The following GALNTL6 variants were observed in gnomAD, a reference collection of about 807,000 sequenced individuals.
The protein encoded by GALNTL6 is polypeptide N-acetylgalactosaminyltransferase like 6, also known as polypeptide N-acetylgalactosaminyltransferase-like 6.
A neutral mutation model predicts 73.7 loss-of-function variants in GALNTL6; 46 were observed. That is an observed-to-expected ratio of 0.62 (90% CI 0.49 to 0.80). The LOEUF (loss-of-function observed/expected upper bound fraction) is 0.80. Among genes scored for constraint, GALNTL6 ranks in the 30% least tolerant of loss-of-function variants. The probability of loss-of-function intolerance (pLI) is 0.00; values close to 1 mark genes in which losing one functional copy is unlikely to be tolerated. For missense variants in GALNTL6, 604 were observed against 755.0 expected (o/e 0.80, Z 2.34); for synonymous variants, 259 against 263.7 (o/e 0.98, Z 0.17).
At chr4:172,258,189 G>A (rs1387475125) in intron 3 of GALNTL6, among the ~76,000 whole-genome samples, 2 of 151,236 alleles carry the variant, frequency 1.3e-5, no homozygotes, top group African/African-American at 4.8e-5. Context: ...TCTTCATTGG[G>A]AAGACTTATT....
At chr4:172,323,118 T>A (rs1449634963) in intron 4 of GALNTL6, among the ~76,000 whole-genome samples, 1 of 152,154 alleles carries the variant, frequency 6.6e-6, no homozygotes, top group Non-Finnish European at 1.5e-5. Context: ...TAAAATATCA[T>A]AATACATAAC....
intron 3 of GALNTL6, among the ~76,000 whole-genome samples, chr4:172,255,753 T>G (rs1024683775): frequency 6.6e-6 from 1 of 151,482 alleles, no homozygotes; most frequent in Non-Finnish European, 1.5e-5. Flanking sequence ...CTGTGAGCTT[T>G]GATATTTTTT....
intron 5 of GALNTL6, among the ~76,000 whole-genome samples, chr4:172,482,137 G>T (rs1733508864): frequency 6.6e-6 from 1 of 152,160 alleles, no homozygotes; most frequent in African/African-American, 2.4e-5. Context: ...TCACTGCCCA[G>T]GGCCGGTGGC....
chr4:172,019,883 C>T (rs1741343449), intron 2 of GALNTL6, among the ~76,000 whole-genome samples: 1 of 152,100 alleles, frequency 6.6e-6, no homozygotes, highest in African/African-American at 2.4e-5. Flanking sequence ...TTTTCCTCAG[C>T]ACATGGATCA....
At chr4:171,846,405 C>T (rs1735369528) in intron 2 of GALNTL6, among the ~76,000 whole-genome samples, 1 of 152,086 alleles carries the variant, frequency 6.6e-6, no homozygotes, top group African/African-American at 2.4e-5. Flanking sequence ...CATGGCCTTA[C>T]CTACAACCAT....
intron 10 of GALNTL6, among the ~76,000 whole-genome samples, chr4:172,989,703 C>T (rs1751458770): frequency 6.6e-6 from 1 of 152,188 alleles, no homozygotes; most frequent in Non-Finnish European, 1.5e-5. Flanking sequence ...GTGTCTGCTT[C>T]TCCTTCACTT....
rs1408110791 is a variant in GALNTL6 at position 172,539,905 on chromosome 4, AT to A, written c.553+191217del. The stretch of plus-strand genomic sequence containing the variant: ...TATATATATATATATATATATATAT[AT>A]AAAAAATCTCATTTAATTTTCATGA... On this transcript the variant is annotated intron_variant, in intron 5 of 12. Transcript: ENST00000506823. Among the ~76,000 whole-genome samples the A allele has an allele frequency of 8.1e-4, 99 of 121,650 alleles. 1 individual carries two copies. The South Asian group carries it at 9.3e-3, about 11-fold the overall frequency. 79.8% of individuals were successfully genotyped at this position (121,650 alleles called of 152,430 possible). A position where few individuals can be genotyped will look rare whatever the true frequency, so the allele number is the denominator to read the frequency against.
chr4:172,173,521 C>T (rs1200557854), intron 2 of GALNTL6, among the ~76,000 whole-genome samples: 2 of 152,194 alleles, frequency 1.3e-5, no homozygotes, highest in East Asian at 3.9e-4. Context: ...GTGGGCCAAC[C>T]TCCCCTGTCA....
chr4:172,047,181 G>C (rs116054874), intron 2 of GALNTL6, among the ~76,000 whole-genome samples: 3,416 of 152,136 alleles, frequency 0.022, 138 homozygotes, highest in African/African-American at 0.073. Context: ...GCCTCCGGAC[G>C]CTCCCCGCAG....
chr4:172,465,354 G>C (rs1355900486), intron 5 of GALNTL6, among the ~76,000 whole-genome samples: 1 of 152,028 alleles, frequency 6.6e-6, no homozygotes, highest in African/African-American at 2.4e-5. Flanking sequence ...GTGAGCGTCT[G>C]TAGTCCCAGC....
chr4:172,787,690 A>G (rs1007019458), intron 5 of GALNTL6, among the ~76,000 whole-genome samples: 1 of 152,158 alleles, frequency 6.6e-6, no homozygotes, highest in African/African-American at 2.4e-5. Flanking sequence ...GGAGGAGACC[A>G]TGGGAGGGTC....
chr4:172,402,341 A>G (rs1224534641), intron 5 of GALNTL6, among the ~76,000 whole-genome samples: 1 of 152,036 alleles, frequency 6.6e-6, no homozygotes, highest in African/African-American at 2.4e-5. Context: ...TCTCTACAGA[A>G]TGATGTATAA....
intron 3 of GALNTL6, among the ~76,000 whole-genome samples, chr4:172,305,271 T>A (rs1740088039): frequency 6.6e-6 from 1 of 152,174 alleles, no homozygotes; most frequent in Admixed American, 6.5e-5. Flanking sequence ...GTTAAGTATC[T>A]ACTATCTGCC....
At chr4:172,747,688 T>G (rs1313204167) in intron 5 of GALNTL6, among the ~76,000 whole-genome samples, 1 of 152,050 alleles carries the variant, frequency 6.6e-6, no homozygotes, top group East Asian at 1.9e-4. Context: ...GGAATTGAAA[T>G]CAGTATGGGA....
At chr4:171,834,165 G>C (rs1735044429) in intron 2 of GALNTL6, among the ~76,000 whole-genome samples, 1 of 151,882 alleles carries the variant, frequency 6.6e-6, no homozygotes. Flanking sequence ...TATATTTCAG[G>C]AAATTATGTG....
intron 2 of GALNTL6, among the ~76,000 whole-genome samples, chr4:172,093,675 A>G (rs2110945746): frequency 6.6e-6 from 1 of 152,314 alleles, no homozygotes. Context: ...CATCAGCATT[A>G]GATTCTCATG....
At chr4:172,257,248 GA>G (rs1268389395) in intron 3 of GALNTL6, among the ~76,000 whole-genome samples, 2 of 151,326 alleles carry the variant, frequency 1.3e-5, no homozygotes, top group African/African-American at 4.8e-5. Context: ...TTGGCTATCT[GA>G]AAGAATATAG....
chr4:172,785,630 T>C (rs1487100974), intron 5 of GALNTL6, among the ~76,000 whole-genome samples: 1 of 152,072 alleles, frequency 6.6e-6, no homozygotes, highest in African/African-American at 2.4e-5. Context: ...TATCAGATTA[T>C]CATAAGAGTT....
chr4:171,996,429 T>C (rs185274879), intron 2 of GALNTL6, among the ~76,000 whole-genome samples: 9 of 152,180 alleles, frequency 5.9e-5, no homozygotes, highest in Non-Finnish European at 1.0e-4. Context: ...ACCTAAGTTA[T>C]GTCAATACCT....
Sources: allele counts gnomAD v4.1 joint callset (sites outside exome capture counted in the v4.1 genomes callset), GRCh38; gene constraint gnomAD v4.1.1; transcripts MANE v1.5; gene names NCBI Gene and HGNC (gene_info 2026-07-23, HGNC 2026-07-21).